Variants in LHX8 observed in about 807,000 individuals in gnomAD.
LHX8 encodes LIM/homeobox protein Lhx8.
A neutral mutation model predicts 40.3 loss-of-function variants in LHX8; 12 were observed. That is an observed-to-expected ratio of 0.30 (90% CI 0.19 to 0.48). The LOEUF (loss-of-function observed/expected upper bound fraction) is 0.48. Ranked by LOEUF, LHX8 falls within the 20% of genes least tolerant of loss-of-function variation. LHX8 has a pLI of 0.99. For synonymous variants in LHX8, 179 were observed against 162.0 expected, an observed-to-expected ratio of 1.10 and a Z score of -0.80; for missense variants, 344 against 433.7, an observed-to-expected ratio of 0.79 and a Z score of 1.84.
chr1:75,128,709 T>G (rs1314650967), intron 1 of LHX8: 1 of 152,220 alleles, frequency 6.6e-6, no homozygotes, highest in Admixed American at 6.5e-5. Flanking sequence ...ACTGCCATTT[T>G]CACAATATTC....
intron 8 of LHX8, chr1:75,160,567 G>C (rs1648890420): frequency 2.0e-6 from 1 of 501,006 alleles, no homozygotes; most frequent in Admixed American, 3.4e-5. Context: ...GCAGTGAATG[G>C]GGTATGGATG....
chr1:75,144,644 G>A (rs1193101009), intron 6 of LHX8, among the ~76,000 whole-genome samples: 2 of 151,920 alleles, frequency 1.3e-5, no homozygotes, highest in African/African-American at 4.8e-5. Context: ...ATTACTCTTT[G>A]CTTTATAAAC....
chr1:75,161,898 T>A (rs1170056132), downstream of LHX8, among the ~76,000 whole-genome samples: 2 of 152,164 alleles, frequency 1.3e-5, no homozygotes, highest in Non-Finnish European at 2.9e-5. Context: ...GTGAATACCC[T>A]TTAGGGATGG....
intron 3 of LHX8, among the ~76,000 whole-genome samples, chr1:75,139,414 A>G (rs1648250641): frequency 6.6e-6 from 1 of 152,152 alleles, no homozygotes; most frequent in Non-Finnish European, 1.5e-5. Context: ...AGTAAGAGAG[A>G]GGCCATGGCT....
the LHX8 span, among the ~76,000 whole-genome samples, chr1:75,179,196 T>A: frequency 6.6e-6 from 1 of 152,242 alleles, no homozygotes; most frequent in Non-Finnish European, 1.5e-5. Flanking sequence ...GTCTACCTGG[T>A]TCAAAGTCAA....
intron 1 of LHX8, among the ~76,000 whole-genome samples, chr1:75,136,371 G>C (rs1437804195): frequency 6.6e-6 from 1 of 151,880 alleles, no homozygotes; most frequent in Non-Finnish European, 1.5e-5. Flanking sequence ...CGGAGCCCGG[G>C]GAGCGCGGGA....
intron 3 of LHX8, among the ~76,000 whole-genome samples, chr1:75,140,374 T>G (rs1378873544): frequency 6.6e-6 from 1 of 152,188 alleles, no homozygotes; most frequent in Non-Finnish European, 1.5e-5. Context: ...TCTACTTATT[T>G]CTATTGTTTC....
chr1:75,181,559 C>T, the LHX8 span, among the ~76,000 whole-genome samples: 16 of 152,294 alleles, frequency 1.1e-4, no homozygotes, highest in African/African-American at 3.8e-4. Flanking sequence ...TGGAAAAGCG[C>T]AGTGTTTAGG....
chr1:75,136,840 G>GTTGGGGGGGGGGGGGC, intron 2 of LHX8, 151 bp downstream of exon 2: 1 of 448,662 alleles, frequency 2.2e-6, no homozygotes. Context: ...GGTGGGGTGG[G>GTTGGGGGGGGGGGGGC]AAGCTTAGCT....
At chr1:75,169,692 T>A in the LHX8 span, among the ~76,000 whole-genome samples, 1 of 152,222 alleles carries the variant, frequency 6.6e-6, no homozygotes, top group Non-Finnish European at 1.5e-5. Flanking sequence ...GAACTGTTGA[T>A]TTCCCCTGCA....
chr1:75,145,167 ATC>A (rs1438934754), intron 6 of LHX8, among the ~76,000 whole-genome samples: 4 of 152,190 alleles, frequency 2.6e-5, no homozygotes, highest in Admixed American at 2.6e-4. Flanking sequence ...TGAAAGAAAT[ATC>A]TCTGTTTGAG....
At chr1:75,142,307 T>C (rs906590334) in intron 4 of LHX8, among the ~76,000 whole-genome samples, 9 of 152,154 alleles carry the variant, frequency 5.9e-5, no homozygotes, top group African/African-American at 1.9e-4. Flanking sequence ...TGTCAATAAA[T>C]AGACACTGAC....
At chr1:75,177,922 A>G in the LHX8 span, among the ~76,000 whole-genome samples, 3 of 152,304 alleles carry the variant, frequency 2.0e-5, no homozygotes, top group South Asian at 2.1e-4. Flanking sequence ...TTCTGCATCT[A>G]TTGAGATAAT....
chr1:75,171,415 TTTATTA>T, the LHX8 span, among the ~76,000 whole-genome samples: 22,638 of 150,174 alleles, frequency 0.15, 2,096 homozygotes, highest in South Asian at 0.23. Flanking sequence ...GGGCCAAATT[TTTATTA>T]TTATTATTAT....
intron 3 of LHX8, among the ~76,000 whole-genome samples, chr1:75,138,716 A>G (rs1236420480): frequency 6.6e-6 from 1 of 152,184 alleles, no homozygotes; most frequent in African/African-American, 2.4e-5. Context: ...AAGATATAGA[A>G]GGGTTATGAT....
chr1:75,178,400 G>C, the LHX8 span, among the ~76,000 whole-genome samples: 5 of 152,124 alleles, frequency 3.3e-5, no homozygotes, highest in South Asian at 2.1e-4. Context: ...TTTAGTCTTG[G>C]GGGGGTGTAT....
chr1:75,171,642 C>G, the LHX8 span, among the ~76,000 whole-genome samples: 1 of 148,852 alleles, frequency 6.7e-6, no homozygotes, highest in Non-Finnish European at 1.5e-5. Context: ...ATTGACCAAG[C>G]TGCAACCATA....
the LHX8 span, among the ~76,000 whole-genome samples, chr1:75,180,441 G>T: frequency 6.6e-6 from 1 of 151,854 alleles, no homozygotes; most frequent in Non-Finnish European, 1.5e-5. Flanking sequence ...TCATTAATTT[G>T]ATCTTCAATC....
chr1:75,180,881 G>A, the LHX8 span, among the ~76,000 whole-genome samples: 2,620 of 152,210 alleles, frequency 0.017, 78 homozygotes, highest in African/African-American at 0.06. Context: ...TTTTGGTGTG[G>A]ATGTCCTTTT....
Sources: allele counts gnomAD v4.1 joint callset (sites outside exome capture counted in the v4.1 genomes callset), GRCh38; gene constraint gnomAD v4.1.1; transcripts MANE v1.5; gene names NCBI Gene and HGNC (gene_info 2026-07-23, HGNC 2026-07-21).